The following KCTD16 variants were observed in gnomAD, a reference collection of about 807,000 sequenced individuals.
KCTD16 encodes the protein BTB/POZ domain-containing protein KCTD16.
A neutral mutation model predicts 33.2 loss-of-function variants in KCTD16; 13 were observed. The observed-to-expected ratio is 0.39, with a 90% CI of 0.25 to 0.62. The LOEUF is 0.62. Among genes scored for constraint, KCTD16 ranks in the 20% least tolerant of loss-of-function variants. The probability of loss-of-function intolerance (pLI) is 0.50; values close to 1 mark genes in which losing one functional copy is unlikely to be tolerated. For missense variants in KCTD16, 441 were observed against 525.1 expected (o/e 0.84, Z 1.57); for synonymous variants, 197 against 195.3 (o/e 1.01, Z -0.07).
chr5:144,245,301 AAT>A (rs1288107208), intron 3 of KCTD16, among the ~76,000 whole-genome samples: 2 of 152,190 alleles, frequency 1.3e-5, no homozygotes, highest in Non-Finnish European at 2.9e-5. Flanking sequence ...AGACTATTTT[AAT>A]ATAAGAGTGT....
chr5:144,209,612 G>T (rs1320747088), intron 3 of KCTD16, among the ~76,000 whole-genome samples: 1 of 151,686 alleles, frequency 6.6e-6, no homozygotes, highest in Non-Finnish European at 1.5e-5. Context: ...CAGCTGCTTA[G>T]CCATAATTAT....
chr5:144,348,373 A>T (rs1207013907), intron 3 of KCTD16, among the ~76,000 whole-genome samples: 2 of 152,226 alleles, frequency 1.3e-5, no homozygotes, highest in East Asian at 1.9e-4. Context: ...TAGATGGGAA[A>T]TAAAAATGAG....
At chr5:144,473,012 G>A (rs1754512294) in intron 3 of KCTD16, among the ~76,000 whole-genome samples, 1 of 152,182 alleles carries the variant, frequency 6.6e-6, no homozygotes, top group Admixed American at 6.5e-5. Context: ...TAGGGTCTTA[G>A]TTTCCTTGTA....
intron 3 of KCTD16, among the ~76,000 whole-genome samples, chr5:144,216,844 G>GAA (rs374252586): frequency 1.9e-4 from 23 of 121,198 alleles, no homozygotes; most frequent in African/African-American, 6.6e-4. Flanking sequence ...ACTCTGTCTG[G>GAA]AAAAAAAAAA....
intron 3 of KCTD16, among the ~76,000 whole-genome samples, chr5:144,389,710 G>A (rs1752408481): frequency 6.6e-6 from 1 of 152,060 alleles, no homozygotes; most frequent in Non-Finnish European, 1.5e-5. Flanking sequence ...AGTCCCCTGT[G>A]CCAAAACAGT....
intron 3 of KCTD16, among the ~76,000 whole-genome samples, chr5:144,413,759 T>G (rs1752984680): frequency 6.6e-6 from 1 of 152,222 alleles, no homozygotes; most frequent in Non-Finnish European, 1.5e-5. Flanking sequence ...CAATGCATAC[T>G]CTGGAATGAA....
intron 3 of KCTD16, among the ~76,000 whole-genome samples, chr5:144,256,059 G>A (rs1754837272): frequency 6.6e-6 from 1 of 152,102 alleles, no homozygotes; most frequent in Non-Finnish European, 1.5e-5. Context: ...ATTGTACCAG[G>A]ATGCTTTCAA....
chr5:144,355,160 C>T (rs554969297), intron 3 of KCTD16, among the ~76,000 whole-genome samples: 34 of 152,230 alleles, frequency 2.2e-4, no homozygotes, highest in East Asian at 9.7e-4. Flanking sequence ...ATGTTTACGG[C>T]TTGCCCTCCA....
At chr5:144,368,528 T>C (rs951878653) in intron 3 of KCTD16, among the ~76,000 whole-genome samples, 6 of 152,148 alleles carry the variant, frequency 3.9e-5, no homozygotes, top group African/African-American at 1.4e-4. Flanking sequence ...GAAGTAGAAT[T>C]CTGCTAATTA....
At chr5:144,214,902 C>G (rs1310155812) in intron 3 of KCTD16, among the ~76,000 whole-genome samples, 1 of 152,074 alleles carries the variant, frequency 6.6e-6, no homozygotes, top group Non-Finnish European at 1.5e-5. Context: ...GATTCAGTGC[C>G]TGGAACAAAT....
rs73792355 is a variant in KCTD16, at chr5:144,257,914, G to A, written c.832+50368G>A. Among the ~76,000 whole-genome samples the A allele has an allele frequency of 1.9e-3, 286 of 152,232 alleles. 2 individuals carry two copies. The highest frequency in any genetic ancestry group is 6.4e-3 in the African/African-American group (266 of 41,524). ...CCACCAAGCTCTAAGAGTTCAGTAA[G>A]ACCTAAATTGCCTGAAGCTTTTTCG... On this transcript the variant is annotated intron_variant, in intron 3 of 3. Coordinates refer to ENST00000512467, the MANE Select transcript of KCTD16 (RefSeq NM_020768.4).
chr5:144,376,630 A>G (rs1259705673), intron 3 of KCTD16, among the ~76,000 whole-genome samples: 1 of 152,210 alleles, frequency 6.6e-6, no homozygotes, highest in Non-Finnish European at 1.5e-5. Flanking sequence ...TCTTGAGAGA[A>G]GCGTCATATG....
At position 144,324,189 on chromosome 5, in the gene KCTD16, T is replaced by G. The variant is rs552935141; in HGVS notation, c.832+116643T>G. ...CTTCCATCTCCTACATTTACCATGA[T>G]GTAACTAAATAGTACCCCAGACTCC... On this transcript the variant is annotated intron_variant, in intron 3 of 3. Coordinates refer to ENST00000512467, the MANE Select transcript of KCTD16 (RefSeq NM_020768.4). 3.3e-5 allele frequency among the ~76,000 whole-genome samples: 5 copies of G among 152,282 alleles called. No homozygotes were observed. The East Asian group carries it at 7.7e-4, about 24-fold the overall frequency.
intron 3 of KCTD16, among the ~76,000 whole-genome samples, chr5:144,388,324 G>T (rs913127652): frequency 6.6e-6 from 1 of 151,636 alleles, no homozygotes; most frequent in Non-Finnish European, 1.5e-5. Flanking sequence ...CTCGTGATCC[G>T]CCCACCTCGG....
chr5:144,334,150 G>A (rs938929116), intron 3 of KCTD16, among the ~76,000 whole-genome samples: 1 of 152,132 alleles, frequency 6.6e-6, no homozygotes, highest in African/African-American at 2.4e-5. Flanking sequence ...TTTGAAGTGT[G>A]GTTATGAAGG....
chr5:144,434,400 A>T (rs1176920579), intron 3 of KCTD16, among the ~76,000 whole-genome samples: 1 of 152,128 alleles, frequency 6.6e-6, no homozygotes, highest in Non-Finnish European at 1.5e-5. Context: ...CATAGACATC[A>T]TAATATTCAG....
At chr5:144,205,679 T>G (rs1039778124) in intron 2 of KCTD16, 10 of 398,284 alleles carry the variant, frequency 2.5e-5, no homozygotes, top group African/African-American at 2.1e-4. Flanking sequence ...AAGATTTCTT[T>G]TTCCATTTTT....
At chr5:144,413,898 A>C (rs1168680018) in intron 3 of KCTD16, among the ~76,000 whole-genome samples, 1 of 152,140 alleles carries the variant, frequency 6.6e-6, no homozygotes, top group Non-Finnish European at 1.5e-5. Context: ...GAAGTCTGTC[A>C]CTAGGTCTGT....
At chr5:144,427,611 T>A (rs1223917060) in intron 3 of KCTD16, among the ~76,000 whole-genome samples, 1 of 152,132 alleles carries the variant, frequency 6.6e-6, no homozygotes, top group East Asian at 1.9e-4. Context: ...TTTGTCTGCA[T>A]CTTCAAGTCA....
Sources: allele counts gnomAD v4.1 joint callset (sites outside exome capture counted in the v4.1 genomes callset), GRCh38; gene constraint gnomAD v4.1.1; transcripts MANE v1.5; gene names NCBI Gene and HGNC (gene_info 2026-07-23, HGNC 2026-07-21).